Variants in KMT2C observed in about 807,000 individuals in gnomAD.
KMT2C encodes the protein lysine methyltransferase 2C.
Under a neutral mutation model 507.9 loss-of-function variants are expected in KMT2C, and 88 were observed. The ratio of observed to expected loss-of-function variants is 0.17; its 90% CI spans 0.15 to 0.21. The LOEUF is 0.21. Ranked by LOEUF, KMT2C falls within the 10% of genes least tolerant of loss-of-function variation. KMT2C has a pLI of 1.00. For synonymous variants in KMT2C, 2,049 were observed against 2,080.8 expected, an observed-to-expected ratio of 0.98 and a Z score of 0.42; for missense variants, 4,954 against 5,957.8, an observed-to-expected ratio of 0.83 and a Z score of 5.55.
chr7:152,429,269 G>T (rs557840436), intron 1 of KMT2C, among the ~76,000 whole-genome samples: 5 of 152,192 alleles, frequency 3.3e-5, no homozygotes, highest in Non-Finnish European at 5.9e-5. Context: ...AAGTTACATA[G>T]AAGTATAGAA....
chr7:152,151,356 GTC>G (rs1248766657), intron 50 of KMT2C, 84 bp downstream of exon 50: 3 of 1,385,374 alleles, frequency 2.2e-6, no homozygotes, highest in Non-Finnish European at 2.0e-6. Context: ...CATAAGTGGT[GTC>G]TCTCTCTGAT....
intron 23 of KMT2C, among the ~76,000 whole-genome samples, chr7:152,208,444 G>A (rs1191021483): frequency 6.6e-6 from 1 of 152,118 alleles, no homozygotes; most frequent in Non-Finnish European, 1.5e-5. Context: ...TATTTTTATT[G>A]GTTCTTTAAA....
intron 43 of KMT2C, among the ~76,000 whole-genome samples, chr7:152,161,428 C>T (rs1408618257): frequency 6.6e-6 from 1 of 152,126 alleles, no homozygotes. Context: ...GAAAGATAAA[C>T]AGGCAAGAGC....
intron 6 of KMT2C, among the ~76,000 whole-genome samples, chr7:152,297,943 T>C (rs1218191931): frequency 6.6e-6 from 1 of 152,162 alleles, no homozygotes; most frequent in Non-Finnish European, 1.5e-5. Context: ...AAAAGTTAAA[T>C]AGAGACATGG....
At position 152,136,606 on chromosome 7, in the gene KMT2C, C is replaced by A; in HGVS notation, c.*226G>T. The A allele has an allele frequency of 1.9e-6, 1 of 525,996 alleles. No homozygotes were observed. Among genetic ancestry groups the A allele is most frequent in the Non-Finnish European group, 3.4e-6 (1 of 295,296 alleles). The allele number at this position is 525,996 out of a possible 1,614,324, so 32.6% of individuals were successfully genotyped here. ...AAAAAAGCAAAAGTGCTGGACCATT[C>A]TGTGATTCCGTTTAACCTCGGCCAC... is the stretch of plus-strand genomic sequence containing the variant. On this transcript the variant is annotated 3_prime_UTR_variant, in exon 59 of 59. Coordinates refer to ENST00000262189, the MANE Select transcript of KMT2C (RefSeq NM_170606.3).
At chr7:152,419,103 G>C (rs999432454) in intron 1 of KMT2C, among the ~76,000 whole-genome samples, 2 of 152,040 alleles carry the variant, frequency 1.3e-5, no homozygotes, top group African/African-American at 2.4e-5. Context: ...TGTAATCCCA[G>C]CATTTTGGGA....
At chr7:152,160,002 C>A (rs532041689) in intron 43 of KMT2C, among the ~76,000 whole-genome samples, 12 of 152,322 alleles carry the variant, frequency 7.9e-5, no homozygotes, top group Admixed American at 7.8e-4. Context: ...GGCCATACAG[C>A]CCCTGGCATA....
intron 44 of KMT2C, chr7:152,158,071 TGA>T (rs1278930265): frequency 2.4e-6 from 1 of 410,228 alleles, no homozygotes; most frequent in African/African-American, 2.1e-5. Context: ...CTGGAGTAAG[TGA>T]GAGAGACTAC....
Position 152,290,258 on chromosome 7 carries a change from G to GTATATATA in KMT2C, c.850-16399_850-16392dup, listed in dbSNP as rs746466676. On this transcript the variant is annotated intron_variant, in intron 6 of 58. Coordinates refer to ENST00000262189, the MANE Select transcript of KMT2C (RefSeq NM_170606.3). ...TGTGTGTGTGTGTGTGTGTGTATGT[G>GTATATATA]TATATATATATATATATATATATAT... Among the ~76,000 whole-genome samples, 174 of 26,232 alleles carry GTATATATA rather than the reference G, an allele frequency of 6.6e-3. 2 individuals are homozygous for GTATATATA. Among genetic ancestry groups the GTATATATA allele is most frequent in the Admixed American group, 0.012 (15 of 1,278 alleles). 17.2% of individuals were successfully genotyped at this position (26,232 alleles called of 152,430 possible).
At chr7:152,200,253 T>C (rs2094092923) in intron 26 of KMT2C, among the ~76,000 whole-genome samples, 1 of 152,244 alleles carries the variant, frequency 6.6e-6, no homozygotes. Context: ...TAGCATATTT[T>C]GTAATGTCAA....
At chr7:152,173,105 C>T (rs1050075502) in intron 39 of KMT2C, among the ~76,000 whole-genome samples, 12 of 152,064 alleles carry the variant, frequency 7.9e-5, no homozygotes, top group Non-Finnish European at 1.3e-4. Flanking sequence ...AAATATTGCT[C>T]AATAATGAAA....
intron 18 of KMT2C, among the ~76,000 whole-genome samples, chr7:152,228,596 T>C (rs992287747): frequency 6.6e-6 from 1 of 152,206 alleles, no homozygotes; most frequent in Admixed American, 6.5e-5. Flanking sequence ...AATTGTCCAA[T>C]CTTAACTTAT....
Position 152,177,316 on chromosome 7 carries a change from C to T in KMT2C, c.8137G>A (p.Asp2713Asn), listed in dbSNP as rs1480199178. Residue 2713 changes from aspartate (D) to asparagine (N), a missense_variant, in exon 38 of 59, where the codon GAT becomes AAT. Asp to Asn is a conservative substitution (Grantham distance 23). This residue lies in a region of KMT2C where 1,689 missense variants were observed against 1,654.3 expected (regional missense o/e 1.02). Transcript: ENST00000262189. Reference protein sequence around the residue: ...DLEGVEVKDLDDEDLENLNLD... With the variant: ...DLEGVEVKDLNDEDLENLNLD... ...TTTAAGTTTTCAAGATCTTCATCATCTAAGTCTTTGACTTCAACCCCCTCA... is the reference window on the plus strand; with the variant it reads ...TTTAAGTTTTCAAGATCTTCATCATTTAAGTCTTTGACTTCAACCCCCTCA... 6 of 1,614,146 alleles carry T rather than the reference C, an allele frequency of 3.7e-6. No individual in the cohort carries two copies. The highest frequency in any genetic ancestry group is 5.1e-6 in the Non-Finnish European group (6 of 1,180,014).
At chr7:152,373,402 A>C (rs975746406) in intron 1 of KMT2C, among the ~76,000 whole-genome samples, 1 of 152,220 alleles carries the variant, frequency 6.6e-6, no homozygotes, top group Non-Finnish European at 1.5e-5. Flanking sequence ...CAGGACAAAA[A>C]TATGGATTCA....
Position 152,164,585 on chromosome 7 carries a change from G to A in KMT2C, c.9751-759C>T, listed in dbSNP as rs538320158. Among the ~76,000 whole-genome samples the A allele has an allele frequency of 1.3e-3, 194 of 152,126 alleles. 1 individual carries two copies. The highest frequency in any genetic ancestry group is 4.5e-3 in the African/African-American group (188 of 41,486). On this transcript the variant is annotated intron_variant, in intron 42 of 58. Transcript: ENST00000262189. ...ATTACAGGCGTGAGCCACTGCGCCC[G>A]GCCTGTACAACATTTTAAGACAAGA...
intron 8 of KMT2C, 115 bp from the exon 9 acceptor site, chr7:152,263,245 T>A: frequency 1.3e-6 from 1 of 796,144 alleles, no homozygotes; most frequent in Non-Finnish European, 2.0e-6. Flanking sequence ...TACCTCAGTA[T>A]CTGTTTTGTC....
At chr7:152,367,632 C>T in intron 1 of KMT2C, 2 of 1,413,482 alleles carry the variant, frequency 1.4e-6, no homozygotes, top group Non-Finnish European at 2.0e-6. Context: ...TACAGGTGGA[C>T]AATCCAAAGT....
chr7:152,139,024 G>A (rs1414628743), intron 57 of KMT2C, 120 bp from the exon 58 acceptor site: 2 of 996,456 alleles, frequency 2.0e-6, no homozygotes. Context: ...ATTGTTAGAA[G>A]CACAAATATA....
At position 152,138,976 on chromosome 7, in the gene KMT2C, G is replaced by A; in HGVS notation, c.14535-72C>T. 8.3e-7 allele frequency: 1 copy of A among 1,206,404 alleles called. No homozygotes were observed. The allele number at this position is 1,206,404 out of a possible 1,614,324, so 74.7% of individuals were successfully genotyped here. Reference sequence around the variant, plus strand: ...CAGCTTTAAAAACTTCCCATTTATTGATAAAGCAGTTTTTGCTAATTAAAT... The same window carrying A: ...CAGCTTTAAAAACTTCCCATTTATTAATAAAGCAGTTTTTGCTAATTAAAT... On this transcript the variant is annotated intron_variant, in intron 57 of 58. Transcript: ENST00000262189. This position sits in a 1 kb window ranked among gnomAD's most constrained non-coding sequence, Gnocchi z 4.2.
Sources: allele counts gnomAD v4.1 joint callset (sites outside exome capture counted in the v4.1 genomes callset), GRCh38; gene constraint gnomAD v4.1.1; regional missense constraint gnomAD v4.1.1; non-coding constraint Gnocchi (gnomAD v3.1); transcripts MANE v1.5; gene names NCBI Gene and HGNC (gene_info 2026-07-23, HGNC 2026-07-21).